The following ZNF365 variants were observed in gnomAD, a reference collection of about 807,000 sequenced individuals.
The protein encoded by ZNF365 is protein ZNF365.
ZNF365 carries 22 observed loss-of-function variants against 35.0 expected under a neutral mutation model. That is an observed-to-expected ratio of 0.63 (90% CI 0.45 to 0.90). ZNF365 has a LOEUF of 0.90. Ranked by LOEUF, ZNF365 falls within the 40% of genes least tolerant of loss-of-function variation. ZNF365 has a pLI of 0.00. For synonymous variants in ZNF365, 188 were observed against 196.2 expected (o/e 0.96, Z 0.35); for missense variants, 448 against 500.3 (o/e 0.90, Z 1.00).
chr10:62,377,973 A>G (rs1433667588), intron 2 of ZNF365, among the ~76,000 whole-genome samples: 7 of 152,372 alleles, frequency 4.6e-5, no homozygotes, highest in African/African-American at 1.7e-4. Context: ...GAGACACTCC[A>G]TAGATTAAAG....
intron 4 of ZNF365, among the ~76,000 whole-genome samples, chr10:62,475,677 G>A (rs536995984): frequency 8.5e-5 from 13 of 152,246 alleles, no homozygotes; most frequent in South Asian, 4.1e-4. Context: ...AATGCCCCAC[G>A]TTCTTCAAAT....
At chr10:62,385,356 A>G (rs568751487) in intron 2 of ZNF365, among the ~76,000 whole-genome samples, 1 of 152,334 alleles carries the variant, frequency 6.6e-6, no homozygotes, top group Admixed American at 6.5e-5. Flanking sequence ...GGAGCGTATT[A>G]AAATTAATAT....
At chr10:62,436,178 T>TACTATAATGTATTATAAAAGATAC (rs1554827056) in intron 3 of ZNF365, among the ~76,000 whole-genome samples, 62 of 152,176 alleles carry the variant, frequency 4.1e-4, no homozygotes, top group Admixed American at 2.6e-4. Context: ...TTATAAAAGA[T>TACTATAATGTATTATAAAAGATAC]ACTATAATTA....
intron 3 of ZNF365, among the ~76,000 whole-genome samples, chr10:62,410,151 G>A (rs1010518427): frequency 6.6e-6 from 1 of 151,956 alleles, no homozygotes; most frequent in Non-Finnish European, 1.5e-5. Flanking sequence ...TTTGCCTCAC[G>A]GGACTGCCTT....
At chr10:62,375,113 A>G (rs1442869549) in intron 1 of ZNF365, among the ~76,000 whole-genome samples, 3 of 152,170 alleles carry the variant, frequency 2.0e-5, no homozygotes, top group Non-Finnish European at 2.9e-5. Context: ...TTCGGGTCCA[A>G]TGCTTGTTAC....
chr10:62,404,509 T>TACTCCTTTTCTCAGCC (rs1441774375), downstream of ZNF365, among the ~76,000 whole-genome samples: 2 of 152,202 alleles, frequency 1.3e-5, no homozygotes, highest in Non-Finnish European at 2.9e-5. Flanking sequence ...TTCTCTTAGC[T>TACTCCTTTTCTCAGCC]ACTCCTTTTC....
At chr10:62,386,786 C>T (rs781297503) in intron 2 of ZNF365, among the ~76,000 whole-genome samples, 16 of 152,230 alleles carry the variant, frequency 1.1e-4, no homozygotes, top group Non-Finnish European at 1.9e-4. Context: ...AAGTTCTACT[C>T]CCAAGAGAAT....
intron 3 of ZNF365, among the ~76,000 whole-genome samples, chr10:62,435,953 T>C (rs1016628450): frequency 2.0e-5 from 3 of 152,204 alleles, no homozygotes; most frequent in African/African-American, 7.2e-5. Flanking sequence ...AGTTCTGTGG[T>C]ATTTTGTCCT....
rs77413140 is a variant in ZNF365 at position 62,434,392 on chromosome 10, A to G, written c.925-25349A>G. ...GTGCAACTTTATCACAATGCTTACAAACGTTTGTGGGTATACTTAACCTCA... is the reference window on the plus strand; with the variant it reads ...GTGCAACTTTATCACAATGCTTACAGACGTTTGTGGGTATACTTAACCTCA... On this transcript the variant is annotated intron_variant, in intron 3 of 4. Coordinates refer to the ZNF365 transcript ENST00000395255. 4.4e-4 allele frequency among the ~76,000 whole-genome samples: 67 copies of G among 152,256 alleles called. No homozygotes were observed. The East Asian group carries it at 0.012, about 26-fold the overall frequency.
chr10:62,399,586 C>T lies in ZNF365; in HGVS notation c.1021C>T (p.Pro341Ser). 6.2e-7 allele frequency: 1 copy of T among 1,614,118 alleles called. No homozygotes were observed. Among genetic ancestry groups the T allele is most frequent in the South Asian group, 1.1e-5 (1 of 91,070 alleles). ...CCCTGATCTCAAGGCCCATTTCCAC[C>T]CAAAGGGAAGGAACCACCTGAAAAA... is the stretch of plus-strand genomic sequence containing the variant. The part of the protein sequence containing the change: ...NHPDLKAHFH[P>S]KGRNHLKKAK... Residue 341 changes from proline to serine, a missense_variant, in exon 5 of 5, where the codon CCA (proline) becomes TCA (serine). Pro to Ser is a moderately conservative substitution (Grantham distance 74). This residue lies in a region of ZNF365 where 362 missense variants were observed against 375.7 expected (regional missense o/e 0.96). Coordinates refer to ENST00000395254, the MANE Select transcript of ZNF365 (RefSeq NM_014951.3).
intron 3 of ZNF365, among the ~76,000 whole-genome samples, chr10:62,453,114 T>A (rs1840709283): frequency 6.6e-6 from 1 of 152,256 alleles, no homozygotes; most frequent in East Asian, 1.9e-4. Flanking sequence ...ACTAAAAAAC[T>A]TGGAGTTTGT....
intron 2 of ZNF365, among the ~76,000 whole-genome samples, chr10:62,379,464 TA>T (rs1412850278): frequency 6.6e-6 from 1 of 151,210 alleles, no homozygotes; most frequent in East Asian, 1.9e-4. Context: ...TTTTTTTTTT[TA>T]AACGTTCATT....
downstream of ZNF365, among the ~76,000 whole-genome samples, chr10:62,403,895 C>A (rs559235480): frequency 6.6e-6 from 1 of 152,274 alleles, no homozygotes; most frequent in African/African-American, 2.4e-5. Context: ...GGGTGGCATG[C>A]CTGCATGATC....
chr10:62,470,990 ATTTT>A (rs11297672), intron 4 of ZNF365, among the ~76,000 whole-genome samples: 1 of 146,414 alleles, frequency 6.8e-6, no homozygotes, highest in Non-Finnish European at 1.5e-5. Flanking sequence ...TTGTTCATGC[ATTTT>A]TTTTTTTTAC....
At chr10:62,375,986 G>A (rs920059486) in intron 1 of ZNF365, 195 bp from the exon 2 acceptor site, 12 of 565,430 alleles carry the variant, frequency 2.1e-5, no homozygotes, top group South Asian at 1.2e-4. Context: ...AAATTGATAC[G>A]GCAGCAGTAA....
chr10:62,413,979 T>C (rs1024042815), intron 3 of ZNF365, among the ~76,000 whole-genome samples: 6 of 152,206 alleles, frequency 3.9e-5, no homozygotes, highest in Non-Finnish European at 1.5e-5. Flanking sequence ...GAGTCACAGG[T>C]AGCAGTCCTC....
At chr10:62,389,369 A>G (rs1489499675) in intron 3 of ZNF365, among the ~76,000 whole-genome samples, 1 of 152,120 alleles carries the variant, frequency 6.6e-6, no homozygotes, top group Non-Finnish European at 1.5e-5. Context: ...CGGTTTATTT[A>G]TAACATTTTC....
At chr10:62,479,667 A>G (rs988668165) in intron 4 of ZNF365, among the ~76,000 whole-genome samples, 6 of 152,204 alleles carry the variant, frequency 3.9e-5, no homozygotes, top group Non-Finnish European at 7.3e-5. Context: ...CATGATCTCA[A>G]TTACAGACAT....
At chr10:62,388,268 C>CT (rs1564569639) in intron 2 of ZNF365, 128 bp from the exon 3 acceptor site, 15 of 924,156 alleles carry the variant, frequency 1.6e-5, no homozygotes, top group Non-Finnish European at 2.5e-5. Context: ...TTACCTCTCT[C>CT]GTCATTGCCA....
Sources: allele counts gnomAD v4.1 joint callset (sites outside exome capture counted in the v4.1 genomes callset), GRCh38; gene constraint gnomAD v4.1.1; regional missense constraint gnomAD v4.1.1; transcripts MANE v1.5; gene names NCBI Gene and HGNC (gene_info 2026-07-23, HGNC 2026-07-21).